ARL3: variants seen among roughly 807,000 people sequenced by gnomAD.
The protein encoded by ARL3 is ADP-ribosylation factor-like protein 3.
In ARL3, 9 loss-of-function variants were observed where a neutral mutation model predicts 26.0. The observed-to-expected ratio is 0.35, with a 90% confidence interval of 0.21 to 0.60. The LOEUF is 0.60. Among genes scored for constraint, ARL3 ranks in the 20% least tolerant of loss-of-function variants. The pLI, the probability that ARL3 is intolerant of heterozygous loss-of-function variation, is 0.78. For synonymous variants in ARL3, 71 were observed against 78.4 expected, an observed-to-expected ratio of 0.91 and a Z score of 0.50; for missense variants, 158 against 215.7, an observed-to-expected ratio of 0.73 and a Z score of 1.67.
chr10:102,714,368 A>G lies in ARL3; in HGVS notation c.-93T>C. ...CGGCGCCGCCCCCGACGTCCCTCGC[A>G]CGCACAGCTGAGGAGCTGAGCAGCA... On this transcript the variant is annotated 5_prime_UTR_variant, in exon 1 of 6. Coordinates refer to ENST00000260746, the MANE Select transcript of ARL3 (RefSeq NM_004311.4). 1 of 1,222,152 alleles carries G rather than the reference A, an allele frequency of 8.2e-7. No homozygotes were observed. The highest frequency in any genetic ancestry group is 3.0e-5 in the East Asian group (1 of 33,126). 75.7% of individuals were successfully genotyped at this position (1,222,152 alleles called of 1,614,324 possible). A position where few individuals can be genotyped will look rare whatever the true frequency, so the allele number is the denominator to read the frequency against.
intron 3 of ARL3, among the ~76,000 whole-genome samples, chr10:102,691,392 G>A (rs565153075): frequency 6.6e-6 from 1 of 150,740 alleles, no homozygotes; most frequent in African/African-American, 2.4e-5. Context: ...TTGTTCTTGC[G>A]ACAGTTTACT....
Position 102,699,399 on chromosome 10 carries a change from T to C in ARL3, c.238A>G (p.Asn80Asp). Reference protein sequence around the residue: ...GQRKIRPYWKNYFENTDILIY... With the variant: ...GQRKIRPYWKDYFENTDILIY... ...AGAATATCGGTATTTTCAAAATAATTCTTCCAGTATGGTCTGATTTTCCTC... is the reference window on the plus strand; with the variant it reads ...AGAATATCGGTATTTTCAAAATAATCCTTCCAGTATGGTCTGATTTTCCTC... Residue 80 changes from asparagine (N) to aspartate (D), a missense_variant, in exon 3 of 6, where the codon AAT becomes GAT. Asn to Asp is a conservative substitution (Grantham distance 23). Coordinates refer to ENST00000260746, the MANE Select transcript of ARL3 (RefSeq NM_004311.4). The C allele has an allele frequency of 6.2e-7, 1 of 1,607,510 alleles. No homozygotes were observed. The highest frequency in any genetic ancestry group is 8.5e-7 in the Non-Finnish European group (1 of 1,174,294).
At chr10:102,694,737 A>T (rs1464038752) in intron 3 of ARL3, among the ~76,000 whole-genome samples, 3 of 150,580 alleles carry the variant, frequency 2.0e-5, no homozygotes, top group Non-Finnish European at 4.4e-5. Flanking sequence ...TTTTTTTTTG[A>T]GACGGAGTTT....
Position 102,689,895 on chromosome 10 carries a change from G to T in ARL3, c.313C>A (p.Gln105Lys). Residue 105 changes from glutamine to lysine, a missense_variant and splice_region_variant, in exon 4 of 6, where the codon CAG (glutamine) becomes AAG (lysine). Physicochemically the swap from Gln to Lys is moderately conservative, Grantham distance 53 (BLOSUM62 1). Transcript: ENST00000260746. ...TGATATAAAAAAGAATTATTTACCT[G>T]ACCCGTCTCTTCAAATCTTTTTCTG... ...ADRKRFEETG[Q>K]ELAELLEEEK... is the part of the protein sequence containing the mutation. 3 of 1,584,472 alleles carry T rather than the reference G, an allele frequency of 1.9e-6. No homozygotes were observed. Among genetic ancestry groups the T allele is most frequent in the South Asian group, 2.3e-5 (2 of 88,774 alleles).
Position 102,708,257 on chromosome 10 carries a change from T to C in ARL3, c.4-2768A>G, listed in dbSNP as rs1020651265. On this transcript the variant is annotated intron_variant, in intron 1 of 5. Transcript: ENST00000260746. ...AAACTATATTTACAAGAAGTCTCCC[T>C]GGTTTCTATTAGCTATATTGCAATC... 7.9e-5 allele frequency among the ~76,000 whole-genome samples: 12 copies of C among 152,174 alleles called. 1 individual carries two copies. Among genetic ancestry groups the C allele is most frequent in the Non-Finnish European group, 4.4e-5 (3 of 68,042 alleles).
intron 2 of ARL3, 25 bp downstream of exon 2, chr10:102,705,321 C>T: frequency 6.5e-7 from 1 of 1,531,204 alleles, no homozygotes; most frequent in Non-Finnish European, 8.9e-7. Context: ...TGTCACACGG[C>T]ATCTGGAGCC....
intron 1 of ARL3, among the ~76,000 whole-genome samples, chr10:102,712,717 A>C (rs924578339): frequency 1.8e-4 from 27 of 152,310 alleles, no homozygotes; most frequent in African/African-American, 6.0e-4. Context: ...CTCATCCATA[A>C]TGATGAATCT....
intron 3 of ARL3, among the ~76,000 whole-genome samples, chr10:102,696,926 G>A (rs897898978): frequency 6.6e-6 from 1 of 152,130 alleles, no homozygotes; most frequent in African/African-American, 2.4e-5. Context: ...TCTGAGAAAT[G>A]CATTATTAGG....
chr10:102,689,852 A>G (rs1451881363), intron 4 of ARL3, 41 bp downstream of exon 4: 2 of 1,313,362 alleles, frequency 1.5e-6, no homozygotes, highest in East Asian at 2.5e-5. Context: ...GTACATACAT[A>G]TATATATATA....
At chr10:102,700,672 G>C (rs973227003) in intron 2 of ARL3, among the ~76,000 whole-genome samples, 3 of 151,008 alleles carry the variant, frequency 2.0e-5, no homozygotes, top group African/African-American at 4.9e-5. Context: ...CACCATATTG[G>C]TCAGGCTGGT....
chr10:102,674,896 G>C lies in ARL3; in HGVS notation c.*1998C>G, dbSNP rs571284026. On this transcript the variant is annotated 3_prime_UTR_variant, in exon 6 of 6. Transcript: ENST00000260746. ...GGCCTTGGGATGGCTCTTTAAAACA[G>C]TCCCCTAAGTTGGTGGTAAAAGAAC... 6.6e-6 allele frequency: 1 copy of C among 152,272 alleles called. No individual in the cohort carries two copies. Among genetic ancestry groups the C allele is most frequent in the East Asian group, 1.9e-4 (1 of 5,174 alleles). The allele number at this position is 152,272 out of a possible 1,614,324, so 9.4% of individuals were successfully genotyped here.
chr10:102,707,900 C>T (rs2064317775), intron 1 of ARL3, among the ~76,000 whole-genome samples: 1 of 151,986 alleles, frequency 6.6e-6, no homozygotes, highest in Non-Finnish European at 1.5e-5. Flanking sequence ...TTTAAAAGGC[C>T]AGACTTTTTT....
intron 5 of ARL3, among the ~76,000 whole-genome samples, chr10:102,683,519 T>C (rs1376097161): frequency 6.6e-6 from 1 of 152,238 alleles, no homozygotes; most frequent in Non-Finnish European, 1.5e-5. Flanking sequence ...TTTTTGCTCA[T>C]AGTTTTTTGT....
intron 5 of ARL3, among the ~76,000 whole-genome samples, chr10:102,682,984 C>T (rs1590119566): frequency 6.6e-6 from 1 of 152,166 alleles, no homozygotes; most frequent in African/African-American, 2.4e-5. Flanking sequence ...AAGTGAACCT[C>T]AAACCATTCG....
At position 102,714,357 on chromosome 10, in the gene ARL3, A is replaced by G. The variant is rs956995385; in HGVS notation, c.-82T>C. Reference sequence around the variant, plus strand: ...GGCAACTGCTGCGGCGCCGCCCCCGACGTCCCTCGCACGCACAGCTGAGGA... The same window carrying G: ...GGCAACTGCTGCGGCGCCGCCCCCGGCGTCCCTCGCACGCACAGCTGAGGA... On this transcript the variant is annotated 5_prime_UTR_variant, in exon 1 of 6. Transcript: ENST00000260746. 36 of 1,251,994 alleles carry G rather than the reference A, an allele frequency of 2.9e-5. No homozygotes were observed. Among genetic ancestry groups the G allele is most frequent in the Non-Finnish European group, 3.6e-5 (35 of 983,144 alleles). 77.6% of individuals were successfully genotyped at this position (1,251,994 alleles called of 1,614,324 possible).
chr10:102,713,940 G>A (rs2064364585), intron 1 of ARL3, among the ~76,000 whole-genome samples: 1 of 152,194 alleles, frequency 6.6e-6, no homozygotes, highest in South Asian at 2.1e-4. Flanking sequence ...AGCGAAAGCT[G>A]CTCTCCGCAG....
At chr10:102,688,192 C>T (rs1320265224) in intron 4 of ARL3, among the ~76,000 whole-genome samples, 1 of 152,100 alleles carries the variant, frequency 6.6e-6, no homozygotes, top group Non-Finnish European at 1.5e-5. Context: ...ATGATAGGCC[C>T]CACCTTTTCC....
chr10:102,700,484 A>G (rs2064274075), intron 2 of ARL3, among the ~76,000 whole-genome samples: 1 of 143,112 alleles, frequency 7.0e-6, no homozygotes, highest in Non-Finnish European at 1.5e-5. Flanking sequence ...TTTTTTTTTG[A>G]GACAGAGTCT....
intron 4 of ARL3, among the ~76,000 whole-genome samples, chr10:102,687,556 T>G (rs555344066): frequency 6.6e-6 from 1 of 152,080 alleles, no homozygotes; most frequent in East Asian, 1.9e-4. Context: ...TGCATGGTGG[T>G]GGGCACATGT....
Sources: allele counts gnomAD v4.1 joint callset (sites outside exome capture counted in the v4.1 genomes callset), GRCh38; gene constraint gnomAD v4.1.1; transcripts MANE v1.5; gene names NCBI Gene and HGNC (gene_info 2026-07-23, HGNC 2026-07-21).